Variants in PPP3CC observed in about 807,000 individuals in gnomAD.
PPP3CC encodes the protein protein phosphatase 3 catalytic subunit gamma, also known as serine/threonine-protein phosphatase 2B catalytic subunit gamma isoform.
In PPP3CC, 35 loss-of-function variants were observed where a neutral mutation model predicts 60.3. That is an observed-to-expected ratio of 0.58 (90% CI 0.44 to 0.77). The LOEUF is 0.77. PPP3CC is among the 30% of genes least tolerant of loss of function. The pLI is 0.00. For missense variants in PPP3CC, 570 were observed against 628.9 expected (o/e 0.91, Z 1.00); for synonymous variants, 206 against 224.3 (o/e 0.92, Z 0.73).
intron 4 of PPP3CC, among the ~76,000 whole-genome samples, chr8:22,503,511 TTTGTC>T (rs1395019563): frequency 1.3e-5 from 2 of 152,132 alleles, no homozygotes; most frequent in African/African-American, 4.8e-5. Context: ...TAATTATTCT[TTTGTC>T]TTATCAGATT....
intron 1 of PPP3CC, among the ~76,000 whole-genome samples, chr8:22,464,354 G>A (rs1029018520): frequency 1.1e-4 from 17 of 152,150 alleles, no homozygotes; most frequent in Admixed American, 3.3e-4. Context: ...TGTAGTAGGT[G>A]TAAAAGACAT....
intron 8 of PPP3CC, among the ~76,000 whole-genome samples, chr8:22,523,180 C>CTAG (rs1355451114): frequency 6.6e-6 from 1 of 151,746 alleles, no homozygotes; most frequent in Non-Finnish European, 1.5e-5. Context: ...GTAGAGTGAC[C>CTAG]TAGTGTACAA....
intron 1 of PPP3CC, among the ~76,000 whole-genome samples, chr8:22,452,877 T>C (rs967644717): frequency 1.2e-4 from 19 of 152,240 alleles, no homozygotes; most frequent in Non-Finnish European, 2.8e-4. Flanking sequence ...TCTCATTGCT[T>C]TGCAAATCGC....
intron 1 of PPP3CC, among the ~76,000 whole-genome samples, chr8:22,452,069 A>G (rs1209880496): frequency 6.8e-6 from 1 of 147,010 alleles, no homozygotes; most frequent in African/African-American, 2.5e-5. Context: ...TCTGTTGTCT[A>G]GGCTGGAGTG....
chr8:22,511,773 G>C (rs1839095118), intron 5 of PPP3CC, among the ~76,000 whole-genome samples: 1 of 152,150 alleles, frequency 6.6e-6, no homozygotes. Context: ...CATTCTTGTA[G>C]TATAGTCCTG....
chr8:22,470,492 C>A (rs1265510919), intron 1 of PPP3CC, among the ~76,000 whole-genome samples: 1 of 151,908 alleles, frequency 6.6e-6, no homozygotes, highest in Non-Finnish European at 1.5e-5. Flanking sequence ...AAATAAAGAT[C>A]ATTAAGAACA....
At chr8:22,514,607 A>G (rs1199147180) in intron 6 of PPP3CC, among the ~76,000 whole-genome samples, 1 of 151,822 alleles carries the variant, frequency 6.6e-6, no homozygotes, top group Non-Finnish European at 1.5e-5. Context: ...CATCACCTCA[A>G]GCATTTATCC....
chr8:22,460,332 G>A (rs189156497), intron 1 of PPP3CC, among the ~76,000 whole-genome samples: 88 of 152,060 alleles, frequency 5.8e-4, no homozygotes, highest in Non-Finnish European at 9.7e-4. Context: ...TAAATTCTGT[G>A]CTTGAAAATT....
At chr8:22,457,035 T>TCCTCCCTC (rs1837219721) in intron 1 of PPP3CC, among the ~76,000 whole-genome samples, 4 of 51,638 alleles carry the variant, frequency 7.7e-5, no homozygotes, top group African/African-American at 1.5e-4. Flanking sequence ...CTTCCTCCCT[T>TCCTCCCTC]CCTCCCTCCC....
intron 1 of PPP3CC, among the ~76,000 whole-genome samples, chr8:22,449,292 A>C (rs559641654): frequency 6.6e-6 from 1 of 151,830 alleles, no homozygotes; most frequent in East Asian, 1.9e-4. Context: ...TACAAAAAAT[A>C]TAAAAAATTA....
At position 22,522,659 on chromosome 8, in the gene PPP3CC, C is replaced by G. The variant is rs1259361791; in HGVS notation, c.853C>G (p.Arg285Gly). 1.9e-6 allele frequency: 3 copies of G among 1,604,076 alleles called. No individual in the cohort carries two copies. The highest frequency in any genetic ancestry group is 1.7e-6 in the Non-Finnish European group (2 of 1,172,492). The part of the protein sequence containing the change: ...RAHEAQDAGY[R>G]MYRKSQATGF... ...GGACTTTCATCTCTTTTTCAGGTATCGAATGTACAGGAAGAGCCAAGCCAC... is the reference window on the plus strand; with the variant it reads ...GGACTTTCATCTCTTTTTCAGGTATGGAATGTACAGGAAGAGCCAAGCCAC... Residue 285 changes from arginine to glycine, a missense_variant, in exon 8 of 14, where the codon CGA (arginine) becomes GGA (glycine). Coordinates refer to ENST00000240139, the MANE Select transcript of PPP3CC (RefSeq NM_005605.5).
chr8:22,474,946 T>A lies in PPP3CC; in HGVS notation c.50-8T>A. 1 of 1,480,228 alleles carries A rather than the reference T, an allele frequency of 6.8e-7. No individual in the cohort carries two copies. Among genetic ancestry groups the A allele is most frequent in the East Asian group, 2.3e-5 (1 of 42,744 alleles). 91.7% of individuals were successfully genotyped at this position (1,480,228 alleles called of 1,614,324 possible). ...ATATTTTAAATTATTATTATTATTT[T>A]TTTGTAGCTGTCCCCTTTCCTCCAA... On this transcript the variant is annotated splice_polypyrimidine_tract_variant and splice_region_variant and intron_variant, in intron 1 of 13. Coordinates refer to ENST00000240139, the MANE Select transcript of PPP3CC (RefSeq NM_005605.5).
chr8:22,513,477 T>C, intron 6 of PPP3CC, 45 bp downstream of exon 6: 1 of 1,533,530 alleles, frequency 6.5e-7, no homozygotes, highest in Non-Finnish European at 8.8e-7. Context: ...GAAACTGTAA[T>C]TCATTTTATC....
At chr8:22,447,693 A>G (rs1836873973) in intron 1 of PPP3CC, among the ~76,000 whole-genome samples, 1 of 152,148 alleles carries the variant, frequency 6.6e-6, no homozygotes, top group Non-Finnish European at 1.5e-5. Flanking sequence ...ACCTAACCTA[A>G]GTGGTATCTT....
intron 8 of PPP3CC, among the ~76,000 whole-genome samples, chr8:22,523,298 A>C (rs1839457545): frequency 6.6e-6 from 1 of 152,168 alleles, no homozygotes; most frequent in African/African-American, 2.4e-5. Context: ...ATATGAAAAA[A>C]GAAGAATGGA....
intron 1 of PPP3CC, among the ~76,000 whole-genome samples, chr8:22,445,457 C>T (rs1836793731): frequency 6.6e-6 from 1 of 152,146 alleles, no homozygotes; most frequent in Non-Finnish European, 1.5e-5. Flanking sequence ...ACTTCATATT[C>T]CTTCCCAGCA....
At chr8:22,493,250 C>T (rs1838461423) in intron 3 of PPP3CC, among the ~76,000 whole-genome samples, 1 of 152,088 alleles carries the variant, frequency 6.6e-6, no homozygotes, top group South Asian at 2.1e-4. Flanking sequence ...AGCCCAAGCT[C>T]CTTGGACACT....
chr8:22,451,457 A>C (rs1339224975), intron 1 of PPP3CC, among the ~76,000 whole-genome samples: 1 of 152,224 alleles, frequency 6.6e-6, no homozygotes, highest in African/African-American at 2.4e-5. Flanking sequence ...TTAATACTAC[A>C]GGTTGAGTGT....
chr8:22,454,440 CT>C (rs1368661863), intron 1 of PPP3CC, among the ~76,000 whole-genome samples: 2 of 151,928 alleles, frequency 1.3e-5, no homozygotes, highest in African/African-American at 2.4e-5. Flanking sequence ...TTACAGTTAC[CT>C]TTTTTTTGTT....
Sources: allele counts gnomAD v4.1 joint callset (sites outside exome capture counted in the v4.1 genomes callset), GRCh38; gene constraint gnomAD v4.1.1; transcripts MANE v1.5; gene names NCBI Gene and HGNC (gene_info 2026-07-23, HGNC 2026-07-21).